The following ITGAE variants were observed in gnomAD, a reference collection of about 807,000 sequenced individuals.
ITGAE encodes integrin alpha-E.
ITGAE carries 99 observed loss-of-function variants against 136.5 expected under a neutral mutation model. The ratio of observed to expected loss-of-function variants is 0.73; its 90% CI spans 0.62 to 0.86. The LOEUF (loss-of-function observed/expected upper bound fraction) is 0.86, where lower values mean the gene tolerates loss of function less well. ITGAE is among the 40% of genes least tolerant of loss of function. The pLI is 0.00. For synonymous variants in ITGAE, 613 were observed against 591.8 expected (o/e 1.04, Z -0.52); for missense variants, 1,447 against 1,515.3 (o/e 0.95, Z 0.75).
intron 1 of ITGAE, among the ~76,000 whole-genome samples, chr17:3,800,812 G>A (rs1195596324): frequency 6.6e-6 from 1 of 152,234 alleles, no homozygotes; most frequent in Non-Finnish European, 1.5e-5. Flanking sequence ...TGGGTGCCAT[G>A]GGGAGAGGGC....
chr17:3,723,516 C>G, intron 27 of ITGAE, 133 bp from the exon 28 acceptor site: 1 of 991,396 alleles, frequency 1.0e-6, no homozygotes, highest in Non-Finnish European at 1.6e-6. Flanking sequence ...TCACCTCGGC[C>G]CAAGCGAAGC....
chr17:3,729,097 G>C (rs997344944), intron 24 of ITGAE, among the ~76,000 whole-genome samples: 1 of 151,646 alleles, frequency 6.6e-6, no homozygotes, highest in African/African-American at 2.4e-5. Flanking sequence ...TGGTCGTAGC[G>C]CAGTTGGGGT....
chr17:3,731,129 C>A lies in ITGAE; in HGVS notation c.2809G>T (p.Ala937Ser), dbSNP rs141441190. ...LEENAFPNRTADITVTVTNSN... is the reference protein window; with the variant it reads ...LEENAFPNRTSDITVTVTNSN... ...TTGGTGACAGTCACAGTGATGTCTG[C>A]TGTCCTGTTTGGAAAGGCATTCTCC... Residue 937 changes from alanine (A) to serine (S), a missense_variant, in exon 23 of 31, where the codon GCA (alanine) becomes TCA (serine). This residue lies in a region of ITGAE where 1,031 missense variants were observed against 1,011.4 expected (regional missense o/e 1.02). Coordinates refer to ENST00000263087, the MANE Select transcript of ITGAE (RefSeq NM_002208.5). 5 of 1,613,482 alleles carry A rather than the reference C, an allele frequency of 3.1e-6. No individual in the cohort carries two copies. In the African/African-American group the frequency reaches 6.7e-5, roughly 22 times the overall value.
At chr17:3,730,026 C>T (rs1403290087) in intron 23 of ITGAE, among the ~76,000 whole-genome samples, 1 of 152,306 alleles carries the variant, frequency 6.6e-6, no homozygotes, top group South Asian at 2.1e-4. Context: ...AGCTATTCTT[C>T]CTGAAGCTCT....
intron 22 of ITGAE, 21 bp downstream of exon 22, chr17:3,732,347 A>C: frequency 6.3e-7 from 1 of 1,578,048 alleles, no homozygotes. Flanking sequence ...GAGAAGAGCG[A>C]ATCAGTCCAA....
chr17:3,768,220 G>C (rs1473368315), intron 2 of ITGAE, among the ~76,000 whole-genome samples: 1 of 151,968 alleles, frequency 6.6e-6, no homozygotes, highest in Non-Finnish European at 1.5e-5. Context: ...GACCTCCCAG[G>C]CTCAAGCGAT....
At chr17:3,718,671 T>C (rs2050987052) in intron 29 of ITGAE, among the ~76,000 whole-genome samples, 1 of 152,218 alleles carries the variant, frequency 6.6e-6, no homozygotes, top group South Asian at 2.1e-4. Flanking sequence ...ATCCATGCTA[T>C]AGAAATAAAA....
chr17:3,788,456 ATTTTTT>A (rs71155804), intron 1 of ITGAE, among the ~76,000 whole-genome samples: 2 of 103,262 alleles, frequency 1.9e-5, no homozygotes, highest in South Asian at 6.4e-4. Context: ...GACCTGACTA[ATTTTTT>A]TTTTTTTTTT....
intron 26 of ITGAE, chr17:3,724,546 G>A (rs220462): frequency 0.32 from 513,317 of 1,613,796 alleles, 87,063 homozygotes; most frequent in South Asian, 0.5. Context: ...GTCCCGAGCG[G>A]CCTCCACCTC....
chr17:3,716,183 GA>G (rs1403361779), intron 30 of ITGAE, among the ~76,000 whole-genome samples: 5 of 147,612 alleles, frequency 3.4e-5, no homozygotes, highest in African/African-American at 1.3e-4. Context: ...AAAAAAAAAA[GA>G]AAAAAAAGCA....
rs1458301745 is a variant in ITGAE, at chr17:3,798,011, T to C, written c.34+3100A>G. On this transcript the variant is annotated intron_variant, in intron 1 of 30. Coordinates refer to ENST00000263087, the MANE Select transcript of ITGAE (RefSeq NM_002208.5). This position sits in a 1 kb window ranked among gnomAD's most constrained non-coding sequence, Gnocchi z 4.3. ...TCAGGTCCCCACGTTCCTCACCACC[T>C]CCACCGTGGGCCTCTCGGGACTGGA... is the stretch of plus-strand genomic sequence containing the variant. Among the ~76,000 whole-genome samples, 3 of 151,994 alleles carry C rather than the reference T, an allele frequency of 2.0e-5. No individual in the cohort carries two copies. Among genetic ancestry groups the C allele is most frequent in the Non-Finnish European group, 2.9e-5 (2 of 67,966 alleles).
At chr17:3,789,956 GATC>G (rs2052898618) in intron 1 of ITGAE, among the ~76,000 whole-genome samples, 1 of 145,306 alleles carries the variant, frequency 6.9e-6, no homozygotes, top group African/African-American at 2.6e-5. Context: ...TTCAGGCCAG[GATC>G]ATCAACAGGT....
chr17:3,715,668 T>TA (rs1247953102), intron 30 of ITGAE, among the ~76,000 whole-genome samples: 1 of 151,896 alleles, frequency 6.6e-6, no homozygotes, highest in African/African-American at 2.4e-5. Context: ...GCCTGGGCAA[T>TA]ATAGGGAGAC....
intron 1 of ITGAE, among the ~76,000 whole-genome samples, chr17:3,782,930 T>C (rs1258823809): frequency 1.3e-5 from 2 of 152,156 alleles, no homozygotes; most frequent in Non-Finnish European, 2.9e-5. Context: ...TCCAACAATA[T>C]CATATGGAAC....
At chr17:3,722,688 A>G (rs1425810040) in intron 28 of ITGAE, among the ~76,000 whole-genome samples, 1 of 152,202 alleles carries the variant, frequency 6.6e-6, no homozygotes, top group East Asian at 1.9e-4. Context: ...GGCGAGTACT[A>G]GGAGATGAAG....
At chr17:3,763,461 G>C (rs1385906696) in intron 3 of ITGAE, among the ~76,000 whole-genome samples, 1 of 152,136 alleles carries the variant, frequency 6.6e-6, no homozygotes, top group African/African-American at 2.4e-5. Flanking sequence ...ATCAGGAAGG[G>C]CTAGAGTTTC....
chr17:3,717,524 G>C (rs2050966101), intron 29 of ITGAE: 1 of 152,182 alleles, frequency 6.6e-6, no homozygotes, highest in Admixed American at 6.5e-5. Flanking sequence ...CTGAGACCCA[G>C]GTATGGCCCT....
intron 1 of ITGAE, among the ~76,000 whole-genome samples, chr17:3,793,284 C>T (rs146278433): frequency 9.9e-5 from 15 of 152,242 alleles, no homozygotes; most frequent in African/African-American, 3.1e-4. Context: ...CATCTCCTGA[C>T]GTCCTGATCC....
In ITGAE at chr17:3,736,712, A is replaced by T. The variant is rs904726701; in HGVS notation, c.2523-1763T>A. On this transcript the variant is annotated intron_variant, in intron 20 of 30. Coordinates refer to ENST00000263087, the MANE Select transcript of ITGAE (RefSeq NM_002208.5). ...ACCACTCTCAGTAGCTGAGATTGAC[A>T]GAAAAACATATTAGCAATACCGAGA... Among the ~76,000 whole-genome samples the T allele has an allele frequency of 3.9e-5, 6 of 152,344 alleles. 1 individual carries two copies.
Sources: allele counts gnomAD v4.1 joint callset (sites outside exome capture counted in the v4.1 genomes callset), GRCh38; gene constraint gnomAD v4.1.1; regional missense constraint gnomAD v4.1.1; non-coding constraint Gnocchi (gnomAD v3.1); transcripts MANE v1.5; gene names NCBI Gene and HGNC (gene_info 2026-07-23, HGNC 2026-07-21).